TMEM132E: variants seen among roughly 807,000 people sequenced by gnomAD.
TMEM132E encodes the protein transmembrane protein 132E.
Under a neutral mutation model 78.5 loss-of-function variants are expected in TMEM132E, and 49 were observed. The ratio of observed to expected loss-of-function variants is 0.62; its 90% CI spans 0.50 to 0.79. The LOEUF (loss-of-function observed/expected upper bound fraction) is 0.79. Ranked by LOEUF, TMEM132E falls within the 30% of genes least tolerant of loss-of-function variation. The pLI, the probability that TMEM132E is intolerant of heterozygous loss-of-function variation, is 0.00. For missense variants in TMEM132E, 1,403 were observed against 1,470.9 expected, an observed-to-expected ratio of 0.95 and a Z score of 0.75; for synonymous variants, 715 against 670.6, an observed-to-expected ratio of 1.07 and a Z score of -1.02.
At chr17:34,583,724 C>G (rs955482366) in intron 1 of TMEM132E, among the ~76,000 whole-genome samples, 17 of 152,318 alleles carry the variant, frequency 1.1e-4, no homozygotes, top group African/African-American at 3.4e-4. Context: ...CTGGCGCCAC[C>G]GGGCAGGGTG....
chr17:34,604,241 C>T (rs1274292549), intron 1 of TMEM132E, among the ~76,000 whole-genome samples: 1 of 152,148 alleles, frequency 6.6e-6, no homozygotes, highest in Non-Finnish European at 1.5e-5. Context: ...AGAATGGCTT[C>T]TTAGGAAGGG....
At chr17:34,632,126 C>T (rs1907365819) in intron 5 of TMEM132E, among the ~76,000 whole-genome samples, 1 of 152,206 alleles carries the variant, frequency 6.6e-6, no homozygotes, top group Non-Finnish European at 1.5e-5. Flanking sequence ...TTTCCTCTCC[C>T]ATTCCCTCAT....
At chr17:34,582,333 G>A (rs924991630) in intron 1 of TMEM132E, among the ~76,000 whole-genome samples, 7 of 152,128 alleles carry the variant, frequency 4.6e-5, no homozygotes, top group African/African-American at 1.4e-4. Flanking sequence ...CTCGCCAGGA[G>A]TGTGCCCAAG....
Position 34,626,714 on chromosome 17 carries a change from C to G in TMEM132E, c.655C>G (p.Leu219Val). 1 of 1,385,082 alleles carries G rather than the reference C, an allele frequency of 7.2e-7. No homozygotes were observed. Among genetic ancestry groups the G allele is most frequent in the Non-Finnish European group, 9.5e-7 (1 of 1,055,988 alleles). 85.8% of individuals were successfully genotyped at this position (1,385,082 alleles called of 1,614,324 possible). The stretch of plus-strand genomic sequence containing the variant: ...GGCCCGCCGCAAGTCCCCGGACGGG[C>G]TGGAGCCCGAGGCGACGGGGGAGAG... The part of the protein sequence containing the change: ...PTARRKSPDG[L>V]EPEATGESQQ... Residue 219 changes from leucine (L) to valine (V), a missense_variant, in exon 2 of 9, where the codon CTG (leucine) becomes GTG (valine). Coordinates refer to ENST00000631683, the MANE Select transcript of TMEM132E (RefSeq NM_001304438.2).
intron 1 of TMEM132E, among the ~76,000 whole-genome samples, chr17:34,603,015 C>T (rs1019649280): frequency 2.0e-5 from 3 of 152,112 alleles, no homozygotes; most frequent in African/African-American, 7.2e-5. Flanking sequence ...CATTGCCTCC[C>T]AGGGAGGCAC....
At position 34,638,258 on chromosome 17, in the gene TMEM132E, C is replaced by T. The variant is rs751986957; in HGVS notation, c.*26C>T. The stretch of plus-strand genomic sequence containing the variant: ...AGGCGCCAGCCGGAGTAGCAGGGAC[C>T]CCCCCCCCCAACGGGGTCAGCTCGG... On this transcript the variant is annotated 3_prime_UTR_variant, in exon 9 of 9. Coordinates refer to ENST00000631683, the MANE Select transcript of TMEM132E (RefSeq NM_001304438.2). 7.1e-7 allele frequency: 1 copy of T among 1,411,082 alleles called. No individual in the cohort carries two copies. The allele number at this position is 1,411,082 out of a possible 1,614,324, so 87.4% of individuals were successfully genotyped here.
chr17:34,612,132 C>A (rs1265142569), intron 1 of TMEM132E, among the ~76,000 whole-genome samples: 1 of 152,102 alleles, frequency 6.6e-6, no homozygotes, highest in East Asian at 1.9e-4. Flanking sequence ...CACACACCTG[C>A]TGCCTAGAGA....
rs57217664 is a variant in TMEM132E at position 34,601,547 on chromosome 17, G to A, written c.67+20404G>A. 1.2e-3 allele frequency among the ~76,000 whole-genome samples: 189 copies of A among 152,304 alleles called. 5 individuals are homozygous for A. The East Asian group carries it at 0.029, about 24-fold the overall frequency. On this transcript the variant is annotated intron_variant, in intron 1 of 8. Coordinates refer to ENST00000631683, the MANE Select transcript of TMEM132E (RefSeq NM_001304438.2). ...AGAGGGGGCAATTCACAAGGGAGAC[G>A]AACCTGATGGCCTTGTGGGAGGGGG...
intron 1 of TMEM132E, among the ~76,000 whole-genome samples, chr17:34,611,952 G>C (rs1906606203): frequency 6.6e-6 from 1 of 152,138 alleles, no homozygotes; most frequent in African/African-American, 2.4e-5. Flanking sequence ...GTAACTAACT[G>C]TCCCAGTTGG....
At chr17:34,632,312 AG>A (rs1487233738) in intron 5 of TMEM132E, among the ~76,000 whole-genome samples, 3 of 152,062 alleles carry the variant, frequency 2.0e-5, no homozygotes, top group Non-Finnish European at 4.4e-5. Context: ...TGCATCATAG[AG>A]GACTCTACCT....
chr17:34,585,622 G>GAGGA (rs375650925), intron 1 of TMEM132E, among the ~76,000 whole-genome samples: 13,699 of 152,170 alleles, frequency 0.09, 710 homozygotes, highest in South Asian at 0.23. Flanking sequence ...AGCCCAAATG[G>GAGGA]GGCTGTCTGC....
chr17:34,638,154 G>C lies in TMEM132E; in HGVS notation c.3147G>C (p.Pro1049=). 1.2e-6 allele frequency: 2 copies of C among 1,606,638 alleles called. No homozygotes were observed. Among genetic ancestry groups the C allele is most frequent in the Non-Finnish European group, 1.7e-6 (2 of 1,177,504 alleles). The change falls in exon 9 of 9, where the codon CCG becomes CCC. Residue 1049 remains proline (P), a synonymous_variant. Coordinates refer to ENST00000631683, the MANE Select transcript of TMEM132E (RefSeq NM_001304438.2). ...EEEEDLGWGC[P]DVAGPTRPTA... is the part of the protein sequence containing the mutation. ...AAGAGGACCTGGGTTGGGGCTGCCC[G>C]GATGTGGCGGGCCCCACGCGGCCCA...
intron 1 of TMEM132E, among the ~76,000 whole-genome samples, chr17:34,584,806 A>G (rs1325645872): frequency 1.3e-5 from 2 of 152,216 alleles, no homozygotes; most frequent in African/African-American, 2.4e-5. Flanking sequence ...TACAAGACCC[A>G]TGTGTCTCCG....
chr17:34,606,706 G>A (rs890185127), intron 1 of TMEM132E, among the ~76,000 whole-genome samples: 3 of 152,164 alleles, frequency 2.0e-5, no homozygotes, highest in Admixed American at 6.5e-5. Flanking sequence ...GGAGGAGCTG[G>A]GCCACCCGGG....
At chr17:34,595,948 T>C (rs1350226918) in intron 1 of TMEM132E, among the ~76,000 whole-genome samples, 1 of 152,154 alleles carries the variant, frequency 6.6e-6, no homozygotes, top group African/African-American at 2.4e-5. Context: ...ATGTGAACTA[T>C]GGGGAAGGCT....
At position 34,637,402 on chromosome 17, in the gene TMEM132E, A is replaced by T. The variant is rs759515597; in HGVS notation, c.2395A>T (p.Lys799Ter). The change falls in exon 9 of 9, where the codon AAG becomes TAG. Residue 799 changes from lysine (K) to a stop codon, truncating the protein, a stop_gained. Transcript: ENST00000631683. LOFTEE classifies it high-confidence loss of function. ...TGAGAGCTGCCAGAAAACCAAACGC[A>T]AGAGTGTGCTCGCCACGACCCCTGT... is the stretch of plus-strand genomic sequence containing the variant. Reference protein sequence around the residue: ...IAESCQKTKRKSVLATTPVGL... With the variant: ...IAESCQKTKR The T allele has an allele frequency of 1.2e-6, 2 of 1,613,810 alleles. No homozygotes were observed. The highest frequency in any genetic ancestry group is 1.7e-6 in the Non-Finnish European group (2 of 1,180,014).
rs749376369 is a variant in TMEM132E, at chr17:34,626,621, A to T, written c.562A>T (p.Thr188Ser). 4 of 1,491,722 alleles carry T rather than the reference A, an allele frequency of 2.7e-6. No homozygotes were observed. In the South Asian group the frequency reaches 5.3e-5, roughly 20 times the overall value. 92.4% of individuals were successfully genotyped at this position (1,491,722 alleles called of 1,614,324 possible). A position where few individuals can be genotyped will look rare whatever the true frequency, so the allele number is the denominator to read the frequency against. Reference protein sequence around the residue: ...SSCRLSGGLATCLVRAELPLA... With the variant: ...SSCRLSGGLASCLVRAELPLA... Reference sequence around the variant, plus strand: ...CTGCCGCCTCAGCGGGGGCCTGGCCACTTGTCTGGTGCGGGCAGAGCTGCC... The same window carrying T: ...CTGCCGCCTCAGCGGGGGCCTGGCCTCTTGTCTGGTGCGGGCAGAGCTGCC... The change falls in exon 2 of 9, where the codon ACT becomes TCT. Residue 188 changes from threonine to serine, a missense_variant. Coordinates refer to ENST00000631683, the MANE Select transcript of TMEM132E (RefSeq NM_001304438.2).
chr17:34,619,283 A>G (rs1004355038), intron 1 of TMEM132E, among the ~76,000 whole-genome samples: 1 of 151,670 alleles, frequency 6.6e-6, no homozygotes, highest in African/African-American at 2.4e-5. Context: ...TGTCATCATT[A>G]ACTATCAGCA....
At position 34,610,578 on chromosome 17, in the gene TMEM132E, T is replaced by C. The variant is rs112108610; in HGVS notation, c.68-15549T>C. On this transcript the variant is annotated intron_variant, in intron 1 of 8. Transcript: ENST00000631683. Reference sequence around the variant, plus strand: ...AGGTGATGCTGCGAGAAAAAGGACATGTGACACTGATACTGGTGGGCTGAG... The same window carrying C: ...AGGTGATGCTGCGAGAAAAAGGACACGTGACACTGATACTGGTGGGCTGAG... 2.6e-3 allele frequency among the ~76,000 whole-genome samples: 391 copies of C among 152,298 alleles called. 2 individuals are homozygous for C. The highest frequency in any genetic ancestry group is 8.9e-3 in the African/African-American group (371 of 41,566).
Sources: gnomAD v4.1 joint callset for allele counts (sites outside exome capture counted in the v4.1 genomes callset) on GRCh38, gnomAD v4.1.1 for gene constraint, MANE v1.5 for transcripts, NCBI Gene and HGNC (gene_info 2026-07-23, HGNC 2026-07-21) for gene names.